Variants in MTFMT observed in about 807,000 individuals in gnomAD.
The protein encoded by MTFMT is methionyl-tRNA formyltransferase, mitochondrial.
MTFMT carries 47 observed loss-of-function variants against 51.8 expected under a neutral mutation model. The ratio of observed to expected loss-of-function variants is 0.91; its 90% CI spans 0.72 to 1.16. The LOEUF (loss-of-function observed/expected upper bound fraction) is 1.16, where lower values mean the gene tolerates loss of function less well. Ranked by LOEUF, MTFMT falls within the 50% of genes most tolerant of loss-of-function variation. The probability of loss-of-function intolerance (pLI) is 0.00; values close to 1 mark genes in which losing one functional copy is unlikely to be tolerated. For synonymous variants in MTFMT, 196 were observed against 176.7 expected, an observed-to-expected ratio of 1.11 and a Z score of -0.87; for missense variants, 512 against 482.3, an observed-to-expected ratio of 1.06 and a Z score of -0.58.
chr15:65,012,258 G>C (rs1046275723), intron 6 of MTFMT, among the ~76,000 whole-genome samples: 1 of 149,174 alleles, frequency 6.7e-6, no homozygotes, highest in African/African-American at 2.5e-5. Flanking sequence ...GTATACATAT[G>C]TAACAAACCT....
chr15:65,021,932 C>G (rs1566943528), intron 3 of MTFMT, among the ~76,000 whole-genome samples: 1 of 152,028 alleles, frequency 6.6e-6, no homozygotes, highest in Non-Finnish European at 1.5e-5. Flanking sequence ...TGTTTAGAGT[C>G]TAAATTTATT....
At chr15:65,004,801 G>C in intron 8 of MTFMT, 53 bp downstream of exon 8, 1 of 1,232,458 alleles carries the variant, frequency 8.1e-7, no homozygotes, top group Non-Finnish European at 1.2e-6. Context: ...AAATGATACA[G>C]ACTATAACAT....
At position 65,027,027 on chromosome 15, in the gene MTFMT, C is replaced by T; in HGVS notation, c.223G>A (p.Glu75Lys). The change falls in exon 2 of 9, where the codon GAA becomes AAA. Residue 75 changes from glutamate to lysine, a missense_variant. Coordinates refer to ENST00000220058, the MANE Select transcript of MTFMT (RefSeq NM_139242.4). ...ALHAARENKEEELIDKLEVVT... is the reference protein window; with the variant it reads ...ALHAARENKEKELIDKLEVVT... Reference sequence around the variant, plus strand: ...ACCTCCAGTTTGTCGATTAACTCTTCTTCTTTGTTTTCCCTAAATTAGATA... The same window carrying T: ...ACCTCCAGTTTGTCGATTAACTCTTTTTCTTTGTTTTCCCTAAATTAGATA... 6.2e-7 allele frequency: 1 copy of T among 1,613,454 alleles called. No homozygotes were observed. Among genetic ancestry groups the T allele is most frequent in the East Asian group, 2.2e-5 (1 of 44,884 alleles).
chr15:65,006,113 C>A lies in MTFMT; in HGVS notation c.892G>T (p.Asp298Tyr). 1.9e-6 allele frequency: 3 copies of A among 1,610,792 alleles called. No individual in the cohort carries two copies. The South Asian group carries it at 3.3e-5, about 18-fold the overall frequency. The part of the protein sequence containing the change: ...LVEVNSSVLA[D>Y]PKLTGQALIP... The stretch of plus-strand genomic sequence containing the variant: ...ATGTTAGCTATTCAAAAGTTAGTAC[C>A]AGCAAGGACTGAACTGTTAACTTCT... The change falls in exon 7 of 9, where the codon GAT becomes TAT. Residue 298 changes from aspartate to tyrosine, a missense_variant and splice_region_variant. Transcript: ENST00000220058.
chr15:65,009,683 TGC>T (rs1242047821), intron 6 of MTFMT, among the ~76,000 whole-genome samples: 5 of 36,646 alleles, frequency 1.4e-4, no homozygotes, highest in African/African-American at 6.5e-4. Flanking sequence ...GACCGGATCT[TGC>T]TCTGTCATCC....
intron 1 of MTFMT, among the ~76,000 whole-genome samples, chr15:65,028,738 C>A (rs981206323): frequency 6.6e-6 from 1 of 152,156 alleles, no homozygotes; most frequent in African/African-American, 2.4e-5. Context: ...TACGGTATTG[C>A]CACCACATAC....
chr15:65,028,166 T>C (rs1566945463), intron 1 of MTFMT, among the ~76,000 whole-genome samples: 1 of 152,168 alleles, frequency 6.6e-6, no homozygotes, highest in Non-Finnish European at 1.5e-5. Flanking sequence ...AGGCCTGTAA[T>C]CTCAGCACTT....
chr15:65,015,743 A>C (rs2086315293), intron 6 of MTFMT: 1 of 152,448 alleles, frequency 6.6e-6, no homozygotes, highest in Admixed American at 6.6e-5. Context: ...GGGCTGTCAC[A>C]GGAGGCTCAC....
intron 6 of MTFMT, among the ~76,000 whole-genome samples, chr15:65,014,953 GCTTA>G (rs1408454004): frequency 0.016 from 1,352 of 84,346 alleles, 22 homozygotes; most frequent in African/African-American, 0.059. Flanking sequence ...TTTTTTTTTT[GCTTA>G]CTTGTTGTCT....
intron 3 of MTFMT, among the ~76,000 whole-genome samples, chr15:65,022,728 A>T (rs1015621440): frequency 7.0e-6 from 1 of 143,012 alleles, no homozygotes; most frequent in South Asian, 2.2e-4. Context: ...TTTTTTTGAG[A>T]CAGGTTCTTG....
At chr15:65,028,972 C>A (rs540149003) in intron 1 of MTFMT, among the ~76,000 whole-genome samples, 31 of 152,150 alleles carry the variant, frequency 2.0e-4, no homozygotes, top group Non-Finnish European at 1.3e-4. Context: ...GGAGGAACTG[C>A]AAAGCAGGGA....
intron 6 of MTFMT, among the ~76,000 whole-genome samples, chr15:65,011,522 G>C (rs1202416386): frequency 8.2e-6 from 1 of 121,786 alleles, no homozygotes; most frequent in African/African-American, 3.3e-5. Context: ...TTGAGACAGG[G>C]TCTCACTTTG....
At chr15:65,004,750 C>CTATG in intron 8 of MTFMT, 104 bp downstream of exon 8, 1 of 625,706 alleles carries the variant, frequency 1.6e-6, no homozygotes, top group Non-Finnish European at 2.6e-6. Context: ...CTGACCCAAT[C>CTATG]TATGGACAGG....
intron 1 of MTFMT, chr15:65,029,179 G>A: frequency 5.0e-6 from 4 of 802,476 alleles, no homozygotes; most frequent in Non-Finnish European, 6.0e-6. Context: ...AGAACCCACA[G>A]AGGCGGCGGG....
chr15:65,022,069 T>C (rs2086378101), intron 3 of MTFMT, among the ~76,000 whole-genome samples: 1 of 152,242 alleles, frequency 6.6e-6, no homozygotes, highest in Non-Finnish European at 1.5e-5. Flanking sequence ...AGGCAAAGAA[T>C]TTATTTTCCA....
intron 3 of MTFMT, among the ~76,000 whole-genome samples, chr15:65,022,755 G>A (rs996473922): frequency 7.4e-5 from 11 of 149,376 alleles, no homozygotes; most frequent in African/African-American, 2.7e-4. Context: ...CGCCCAGGCT[G>A]GAATGCAGTG....
chr15:65,007,422 G>T (rs1042782916), intron 6 of MTFMT, among the ~76,000 whole-genome samples: 2 of 152,284 alleles, frequency 1.3e-5, no homozygotes, highest in Non-Finnish European at 2.9e-5. Context: ...CTGCTGCACA[G>T]TAACCCATTT....
chr15:65,011,183 G>T lies in MTFMT; in HGVS notation c.814-4992C>A, dbSNP rs576482196. On this transcript the variant is annotated intron_variant, in intron 6 of 8. Coordinates refer to ENST00000220058, the MANE Select transcript of MTFMT (RefSeq NM_139242.4). ...CTAAAAGTACAAAAATTAGCCGGGC[G>T]TGGTGGCGCTTGCCTATAATCCCAG... Among the ~76,000 whole-genome samples, 5 of 152,188 alleles carry T rather than the reference G, an allele frequency of 3.3e-5. No homozygotes were observed. The South Asian group carries it at 8.3e-4, about 25-fold the overall frequency.
In MTFMT at chr15:65,002,117, G is replaced by A. The variant is rs2086180791; in HGVS notation, c.*945C>T. 3 of 151,700 alleles carry A rather than the reference G, an allele frequency of 2.0e-5. No homozygotes were observed. The highest frequency in any genetic ancestry group is 1.5e-5 in the Non-Finnish European group (1 of 67,942). The allele number at this position is 151,700 out of a possible 1,614,324, so 9.4% of individuals were successfully genotyped here. On this transcript the variant is annotated 3_prime_UTR_variant, in exon 9 of 9. Transcript: ENST00000220058. ...ACTGTTTTTAAAAAAACCTCTTCTC[G>A]GCCAGGCACGGTGGCTCACAGCTGT...
Sources: allele counts gnomAD v4.1 joint callset (sites outside exome capture counted in the v4.1 genomes callset), GRCh38; gene constraint gnomAD v4.1.1; transcripts MANE v1.5; gene names NCBI Gene and HGNC (gene_info 2026-07-23, HGNC 2026-07-21).